OLFM3: variants seen among roughly 807,000 people sequenced by gnomAD.
OLFM3 encodes the protein olfactomedin 3.
A neutral mutation model predicts 48.6 loss-of-function variants in OLFM3; 20 were observed. The observed-to-expected ratio is 0.41, with a 90% CI of 0.29 to 0.60. The LOEUF is 0.60. OLFM3 is among the 20% of genes least tolerant of loss of function. The pLI is 0.28. For missense variants in OLFM3, 437 were observed against 544.3 expected (o/e 0.80, Z 1.96); for synonymous variants, 222 against 198.1 (o/e 1.12, Z -1.01).
chr1:101,916,945 G>C (rs1317600936), intron 1 of OLFM3, among the ~76,000 whole-genome samples: 1 of 152,134 alleles, frequency 6.6e-6, no homozygotes, highest in African/African-American at 2.4e-5. Context: ...TTTAGGCTTA[G>C]TATGAGGAAA....
chr1:101,840,783 C>A (rs773140610), intron 1 of OLFM3, among the ~76,000 whole-genome samples: 41 of 152,148 alleles, frequency 2.7e-4, no homozygotes, highest in Non-Finnish European at 4.7e-4. Context: ...TTTTAATACC[C>A]TTTCATACAT....
chr1:101,906,973 G>A (rs1658575024), intron 1 of OLFM3, among the ~76,000 whole-genome samples: 5 of 151,960 alleles, frequency 3.3e-5, no homozygotes, highest in Admixed American at 6.6e-5. Context: ...ATTATTTGTC[G>A]TATTTACATT....
At chr1:101,907,267 C>T (rs1658584526) in intron 1 of OLFM3, among the ~76,000 whole-genome samples, 1 of 152,240 alleles carries the variant, frequency 6.6e-6, no homozygotes, top group South Asian at 2.1e-4. Flanking sequence ...GTTTAAAATA[C>T]ACAACCCACA....
chr1:101,925,092 G>C (rs1172217080), intron 1 of OLFM3, among the ~76,000 whole-genome samples: 1 of 152,096 alleles, frequency 6.6e-6, no homozygotes, highest in Non-Finnish European at 1.5e-5. Flanking sequence ...AGGAGGAAGA[G>C]ACAGAGAATA....
At chr1:101,854,392 T>G (rs1277202495) in intron 1 of OLFM3, among the ~76,000 whole-genome samples, 1 of 152,054 alleles carries the variant, frequency 6.6e-6, no homozygotes, top group Non-Finnish European at 1.5e-5. Context: ...ATTTCTGTCT[T>G]CTCATCTTTG....
chr1:101,972,215 T>C (rs967690111), intron 1 of OLFM3, among the ~76,000 whole-genome samples: 2 of 152,192 alleles, frequency 1.3e-5, no homozygotes, highest in African/African-American at 4.8e-5. Flanking sequence ...ATTGAATGTT[T>C]CTGTCCCATT....
intron 1 of OLFM3, among the ~76,000 whole-genome samples, chr1:101,878,919 C>T (rs950528969): frequency 4.0e-5 from 6 of 151,818 alleles, no homozygotes. Context: ...ATCACTGCCC[C>T]TTAGAGAAAT....
intron 1 of OLFM3, among the ~76,000 whole-genome samples, chr1:101,894,919 G>A (rs1057086555): frequency 6.6e-6 from 1 of 152,086 alleles, no homozygotes; most frequent in African/African-American, 2.4e-5. Context: ...TTGTGGCATG[G>A]AAACACCTGA....
At chr1:101,833,926 C>T (rs1041499258) in intron 2 of OLFM3, among the ~76,000 whole-genome samples, 1 of 151,884 alleles carries the variant, frequency 6.6e-6, no homozygotes, top group African/African-American at 2.4e-5. Context: ...ATGGCAGTGT[C>T]CTATTAAAAA....
In OLFM3 at chr1:101,854,165, T is replaced by A. The variant is rs1005116625; in HGVS notation, c.70-17140A>T. Among the ~76,000 whole-genome samples, 6 of 151,306 alleles carry A rather than the reference T, an allele frequency of 4.0e-5. No homozygotes were observed. The East Asian group carries it at 9.7e-4, about 24-fold the overall frequency. On this transcript the variant is annotated intron_variant, in intron 1 of 5. Transcript: ENST00000370103. ...AAAATTTAAAAAGAAAAGACAGATT[T>A]AAAAAAAAATGGTTTAGAGAAGATA...
intron 4 of OLFM3, among the ~76,000 whole-genome samples, chr1:101,819,482 T>C (rs751472316): frequency 6.6e-6 from 1 of 152,056 alleles, no homozygotes; most frequent in Non-Finnish European, 1.5e-5. Context: ...ATTTGAGTAA[T>C]TCAGTTGAAA....
At chr1:101,872,814 C>T (rs1048952637) in intron 1 of OLFM3, among the ~76,000 whole-genome samples, 6 of 151,864 alleles carry the variant, frequency 4.0e-5, no homozygotes, top group African/African-American at 1.4e-4. Context: ...CTTGTTCTAT[C>T]ATTTTTGCTT....
intron 1 of OLFM3, among the ~76,000 whole-genome samples, chr1:101,871,375 AGGT>A (rs1657078373): frequency 6.6e-6 from 1 of 152,150 alleles, no homozygotes; most frequent in Non-Finnish European, 1.5e-5. Context: ...GAAAGCCCCC[AGGT>A]CATCATTCAC....
At chr1:101,849,497 C>T (rs191534126) in intron 1 of OLFM3, among the ~76,000 whole-genome samples, 1 of 152,188 alleles carries the variant, frequency 6.6e-6, no homozygotes, top group Admixed American at 6.5e-5. Context: ...TGGACTTTAT[C>T]TTCTATGTAA....
intron 1 of OLFM3, among the ~76,000 whole-genome samples, chr1:101,970,010 T>C (rs182891379): frequency 4.4e-4 from 67 of 151,914 alleles, no homozygotes; most frequent in Admixed American, 4.4e-3. Context: ...TGCCATTTTG[T>C]AATGACAGAT....
chr1:101,804,323 C>T lies in OLFM3; in HGVS notation c.1292G>A (p.Arg431Gln), dbSNP rs1410677392. The T allele has an allele frequency of 5.0e-6, 8 of 1,611,970 alleles. No homozygotes were observed. Among genetic ancestry groups the T allele is most frequent in the Non-Finnish European group, 6.8e-6 (8 of 1,178,710 alleles). Residue 431 changes from arginine (R) to glutamine (Q), a missense_variant, in exon 6 of 6, where the codon CGA becomes CAA. By Grantham distance (43) the Arg-to-Gln change is conservative. Around this residue, in one of 3 missense-constraint regions of OLFM3, gnomAD observed 108 missense variants for 135.8 expected, o/e 0.80. Coordinates refer to ENST00000370103, the MANE Select transcript of OLFM3 (RefSeq NM_058170.4). This position sits in a 1 kb window ranked among gnomAD's most constrained non-coding sequence, Gnocchi z 4.5. ...ISMLDYNARD[R>Q]ALYAWNNGHQ... is the part of the protein sequence containing the mutation. ...GCCATTGTTCCAGGCATAGAGAGCT[C>T]GATCTCTTGCATTGTAGTCAAGCAT...
At chr1:101,839,434 G>A (rs565403631) in intron 1 of OLFM3, among the ~76,000 whole-genome samples, 4 of 152,302 alleles carry the variant, frequency 2.6e-5, no homozygotes, top group South Asian at 2.1e-4. Flanking sequence ...TTCAAGTTGA[G>A]TAACAGTATG....
chr1:101,878,823 C>A (rs547150164), intron 1 of OLFM3, among the ~76,000 whole-genome samples: 1 of 152,028 alleles, frequency 6.6e-6, no homozygotes, highest in South Asian at 2.1e-4. Flanking sequence ...CAAATTTGCG[C>A]AGTTCAGATC....
At chr1:101,857,674 C>A (rs1351644829) in intron 1 of OLFM3, among the ~76,000 whole-genome samples, 1 of 151,598 alleles carries the variant, frequency 6.6e-6, no homozygotes, top group Non-Finnish European at 1.5e-5. Context: ...TTCTTTTCTA[C>A]CTCTTTGTCT....
Sources: allele counts gnomAD v4.1 joint callset (sites outside exome capture counted in the v4.1 genomes callset), GRCh38; gene constraint gnomAD v4.1.1; regional missense constraint gnomAD v4.1.1; non-coding constraint Gnocchi (gnomAD v3.1); transcripts MANE v1.5; gene names NCBI Gene and HGNC (gene_info 2026-07-23, HGNC 2026-07-21).